Variants in CYB5A observed in about 807,000 individuals in gnomAD.
CYB5A encodes cytochrome b5.
In CYB5A, 10 loss-of-function variants were observed where a neutral mutation model predicts 16.2. The observed-to-expected ratio is 0.62, with a 90% CI of 0.38 to 1.04. The LOEUF (loss-of-function observed/expected upper bound fraction) is 1.04. Among genes scored for constraint, CYB5A ranks in the 50% least tolerant of loss-of-function variants. The probability of loss-of-function intolerance (pLI) is 0.01; values close to 1 mark genes in which losing one functional copy is unlikely to be tolerated. For missense variants in CYB5A, 161 were observed against 165.9 expected (o/e 0.97, Z 0.16); for synonymous variants, 62 against 57.0 (o/e 1.09, Z -0.40).
intron 3 of CYB5A, chr18:74,260,432 A>G (rs1982153759): frequency 4.4e-6 from 1 of 225,628 alleles, no homozygotes; most frequent in Non-Finnish European, 8.8e-6. Flanking sequence ...AAGGAAAAGT[A>G]AGTCAAAAGG....
intron 1 of CYB5A, among the ~76,000 whole-genome samples, chr18:74,267,043 G>A (rs929828277): frequency 4.6e-5 from 7 of 151,072 alleles, no homozygotes; most frequent in East Asian, 1.9e-4. Flanking sequence ...TATGTATTAC[G>A]GAGAGAGAGA....
intron 1 of CYB5A, among the ~76,000 whole-genome samples, chr18:74,282,342 T>C (rs1983144085): frequency 1.3e-5 from 2 of 151,980 alleles, no homozygotes; most frequent in Admixed American, 1.3e-4. Flanking sequence ...GGGAAGTTAC[T>C]TTCTGGCACC....
intron 1 of CYB5A, among the ~76,000 whole-genome samples, chr18:74,272,901 G>A (rs998699539): frequency 2.6e-5 from 4 of 152,150 alleles, no homozygotes; most frequent in African/African-American, 9.7e-5. Flanking sequence ...CAGCCTGGGC[G>A]ACAAAAGCGA....
At chr18:74,278,819 A>G (rs1790897) in intron 1 of CYB5A, among the ~76,000 whole-genome samples, 1,581 of 152,332 alleles carry the variant, frequency 0.01, 21 homozygotes, top group African/African-American at 0.036. Flanking sequence ...GAATTAGTAA[A>G]TGTTTGGTCT....
chr18:74,273,946 C>T lies in CYB5A; in HGVS notation c.130-10469G>A, dbSNP rs1788637. ...ATATTGGCATGCTCCATGGATGGCA[C>T]GCCCAGGACTGTTCACATGGCACAG... On this transcript the variant is annotated intron_variant, in intron 1 of 4. Transcript: ENST00000340533. 7.9e-3 allele frequency among the ~76,000 whole-genome samples: 1,205 copies of T among 152,306 alleles called. 13 individuals carry two copies. Among genetic ancestry groups the T allele is most frequent in the African/African-American group, 0.027 (1,136 of 41,556 alleles).
intron 1 of CYB5A, among the ~76,000 whole-genome samples, chr18:74,286,500 C>G (rs1274814055): frequency 6.6e-6 from 1 of 152,178 alleles, no homozygotes; most frequent in Non-Finnish European, 1.5e-5. Flanking sequence ...TAAATGCCTT[C>G]TCTACATATT....
At chr18:74,260,628 C>T (rs903043487) in intron 3 of CYB5A, 5 of 463,590 alleles carry the variant, frequency 1.1e-5, no homozygotes, top group South Asian at 1.8e-5. Context: ...ATCAGAAGCA[C>T]GTGCTACCAT....
At chr18:74,262,403 C>A (rs1982239687) in intron 2 of CYB5A, among the ~76,000 whole-genome samples, 1 of 149,962 alleles carries the variant, frequency 6.7e-6, no homozygotes, top group Non-Finnish European at 1.5e-5. Context: ...TTGCAGTGGG[C>A]CGAGATCGCG....
At chr18:74,256,384 T>C (rs371881473) in intron 3 of CYB5A, 23 of 181,512 alleles carry the variant, frequency 1.3e-4, no homozygotes, top group East Asian at 8.8e-4. Context: ...GGCGTCACAC[T>C]TGTCACCAGC....
chr18:74,267,814 A>G (rs931483479), intron 1 of CYB5A, among the ~76,000 whole-genome samples: 10 of 152,212 alleles, frequency 6.6e-5, no homozygotes. Flanking sequence ...TCAGTAGCAG[A>G]AATCTGTCCT....
intron 1 of CYB5A, among the ~76,000 whole-genome samples, chr18:74,272,685 G>A (rs998728942): frequency 3.3e-5 from 5 of 152,130 alleles, no homozygotes; most frequent in Admixed American, 6.5e-5. Context: ...TTGGGAGGCC[G>A]AGGTGGGCAG....
chr18:74,268,389 G>C (rs1249224682), intron 1 of CYB5A, among the ~76,000 whole-genome samples: 1 of 152,178 alleles, frequency 6.6e-6, no homozygotes, highest in Non-Finnish European at 1.5e-5. Context: ...GGACCTGGGA[G>C]AGAAGGCCTC....
At chr18:74,281,790 A>G (rs900647567) in intron 1 of CYB5A, among the ~76,000 whole-genome samples, 1 of 112,496 alleles carries the variant, frequency 8.9e-6, no homozygotes, top group Non-Finnish European at 1.8e-5. Flanking sequence ...TCAGGGGAGA[A>G]GGGAATATGT....
chr18:74,253,884 T>TCATG (rs1345203696), intron 4 of CYB5A, among the ~76,000 whole-genome samples: 7 of 152,188 alleles, frequency 4.6e-5, no homozygotes, highest in Admixed American at 1.3e-4. Flanking sequence ...ATGAGAAAAC[T>TCATG]CATGCCCCAC....
rs548194978 is a variant in CYB5A at position 74,272,475 on chromosome 18, C to G, written c.130-8998G>C. Among the ~76,000 whole-genome samples, 3 of 152,318 alleles carry G rather than the reference C, an allele frequency of 2.0e-5. No homozygotes were observed. The East Asian group carries it at 5.8e-4, about 29-fold the overall frequency. On this transcript the variant is annotated intron_variant, in intron 1 of 4. Transcript: ENST00000340533. ...GAGAGATCTTTTGTCTCCACGCTGA[C>G]GGTTCCTCGTGGTACCAATTATCTA... is the stretch of plus-strand genomic sequence containing the variant.
chr18:74,283,993 G>A (rs1384290593), intron 1 of CYB5A, among the ~76,000 whole-genome samples: 2 of 152,138 alleles, frequency 1.3e-5, no homozygotes, highest in African/African-American at 2.4e-5. Context: ...AGCACTTTGG[G>A]AGGCCGAGGC....
intron 1 of CYB5A, among the ~76,000 whole-genome samples, chr18:74,284,941 C>T (rs930909968): frequency 2.6e-5 from 4 of 152,294 alleles, no homozygotes; most frequent in African/African-American, 9.6e-5. Context: ...ACGGAGCTGT[C>T]CCCACCCAAT....
intron 1 of CYB5A, among the ~76,000 whole-genome samples, chr18:74,288,555 G>A (rs1983404871): frequency 6.6e-6 from 1 of 152,242 alleles, no homozygotes; most frequent in Admixed American, 6.5e-5. Context: ...AGAGGATCGG[G>A]CAAGCGGGGA....
intron 1 of CYB5A, among the ~76,000 whole-genome samples, chr18:74,288,299 T>C (rs962687578): frequency 6.6e-6 from 1 of 152,136 alleles, no homozygotes; most frequent in Non-Finnish European, 1.5e-5. Context: ...AACACGGACA[T>C]GCACATAAAT....
Sources: gnomAD v4.1 joint callset for allele counts (sites outside exome capture counted in the v4.1 genomes callset) on GRCh38, gnomAD v4.1.1 for gene constraint, MANE v1.5 for transcripts, NCBI Gene and HGNC (gene_info 2026-07-23, HGNC 2026-07-21) for gene names.